The following MEGF6 variants were observed in gnomAD, a reference collection of about 807,000 sequenced individuals.
MEGF6 encodes multiple EGF like domains 6, also known as multiple epidermal growth factor-like domains protein 6.
In MEGF6, 184 loss-of-function variants were observed where a neutral mutation model predicts 207.1. The ratio of observed to expected loss-of-function variants is 0.89; its 90% CI spans 0.79 to 1.00. MEGF6 has a LOEUF of 1.00. MEGF6 is among the 50% of genes least tolerant of loss of function. MEGF6 has a pLI of 0.00. For missense variants in MEGF6, 2,282 were observed against 2,202.9 expected, an observed-to-expected ratio of 1.04 and a Z score of -0.72; for synonymous variants, 1,038 against 910.0, an observed-to-expected ratio of 1.14 and a Z score of -2.53.
intron 4 of MEGF6, among the ~76,000 whole-genome samples, chr1:3,574,965 A>G (rs1643602095): frequency 1.3e-5 from 2 of 152,220 alleles, no homozygotes; most frequent in Non-Finnish European, 2.9e-5. Context: ...TCTTGAACCA[A>G]GAAAGTACCT....
At chr1:3,535,184 C>T (rs905319960) in intron 4 of MEGF6, among the ~76,000 whole-genome samples, 4 of 152,142 alleles carry the variant, frequency 2.6e-5, no homozygotes, top group Admixed American at 2.0e-4. Context: ...TGTGTCACCG[C>T]GACGGTGCCC....
Position 3,594,057 on chromosome 1 carries a change from C to T in MEGF6, c.376+1281G>A, listed in dbSNP as rs768772614. On this transcript the variant is annotated intron_variant, in intron 3 of 36. Coordinates refer to ENST00000356575, the MANE Select transcript of MEGF6 (RefSeq NM_001409.4). This position sits in a 1 kb window ranked among gnomAD's most constrained non-coding sequence, Gnocchi z 4.2. ...GCCCCTGCGGCTCCAGGCAACTACC[C>T]GCCATAAGGACCCCTAGAGCTGGGT... Among the ~76,000 whole-genome samples the T allele has an allele frequency of 3.9e-5, 6 of 152,204 alleles. No homozygotes were observed. The highest frequency in any genetic ancestry group is 1.9e-4 in the East Asian group (1 of 5,188).
intron 3 of MEGF6, among the ~76,000 whole-genome samples, chr1:3,593,531 C>G (rs915064906): frequency 6.6e-6 from 1 of 151,018 alleles, no homozygotes; most frequent in Non-Finnish European, 1.5e-5. Context: ...ACAAAAAGCC[C>G]GCTCTCCCCC....
At chr1:3,577,735 C>A (rs1557789702) in intron 4 of MEGF6, among the ~76,000 whole-genome samples, 1 of 152,184 alleles carries the variant, frequency 6.6e-6, no homozygotes, top group Non-Finnish European at 1.5e-5. Flanking sequence ...CCTGAGTGCA[C>A]CCCACCCCCA....
rs200439973 is a variant in MEGF6 at position 3,501,887 on chromosome 1, C to T, written c.2223G>A (p.Ser741=). ...GGGCCCCCCCACAGGAGCAGGAGCT[C>T]GAGCAGTTCACGCCAAACGTCCCCA... ...CPVGTFGVNC[S]SSCSCGGAPC... Residue 741 remains serine, a synonymous_variant, in exon 18 of 37, where the codon TCG becomes TCA. Coordinates refer to ENST00000356575, the MANE Select transcript of MEGF6 (RefSeq NM_001409.4). 23 of 1,609,068 alleles carry T rather than the reference C, an allele frequency of 1.4e-5. No individual in the cohort carries two copies. Among genetic ancestry groups the T allele is most frequent in the African/African-American group, 5.4e-5 (4 of 74,560 alleles).
At chr1:3,589,644 G>T (rs1464611441) in intron 3 of MEGF6, among the ~76,000 whole-genome samples, 1 of 152,152 alleles carries the variant, frequency 6.6e-6, no homozygotes, top group Non-Finnish European at 1.5e-5. Flanking sequence ...GCAAGGACAG[G>T]AGCCCCAGGA....
At chr1:3,613,894 C>A (rs1166453369), upstream of MEGF6, among the ~76,000 whole-genome samples, 1 of 152,034 alleles carries the variant, frequency 6.6e-6, no homozygotes, top group Non-Finnish European at 1.5e-5. Flanking sequence ...TCTCCCCTGT[C>A]CCAGGCACTG....
At chr1:3,531,207 C>T (rs1429712210) in intron 4 of MEGF6, 1 of 1,500,182 alleles carries the variant, frequency 6.7e-7, no homozygotes, top group Admixed American at 2.3e-5. Flanking sequence ...GCCCAAGGCA[C>T]CAGAGCGCGG....
At chr1:3,586,605 G>C (rs1643897434) in intron 3 of MEGF6, among the ~76,000 whole-genome samples, 2 of 152,290 alleles carry the variant, frequency 1.3e-5, no homozygotes, top group South Asian at 4.1e-4. Flanking sequence ...TGGAGGAAAA[G>C]GGAGCCCAGA....
chr1:3,594,497 G>A lies in MEGF6; in HGVS notation c.376+841C>T, dbSNP rs34645738. On this transcript the variant is annotated intron_variant, in intron 3 of 36. Coordinates refer to ENST00000356575, the MANE Select transcript of MEGF6 (RefSeq NM_001409.4). This position sits in a 1 kb window ranked among gnomAD's most constrained non-coding sequence, Gnocchi z 4.2. The stretch of plus-strand genomic sequence containing the variant: ...TGCGTGACTCCCGGCCACACTCCAC[G>A]GCGCAGCCTGTCCCTCACTGGCAGG... 3.5e-4 allele frequency among the ~76,000 whole-genome samples: 53 copies of A among 152,188 alleles called. No individual in the cohort carries two copies. Among genetic ancestry groups the A allele is most frequent in the Non-Finnish European group, 6.5e-4 (44 of 68,032 alleles).
Position 3,510,914 on chromosome 1 carries a change from A to G in MEGF6, c.1115-12T>C. On this transcript the variant is annotated splice_polypyrimidine_tract_variant and intron_variant, in intron 9 of 36. Coordinates refer to ENST00000356575, the MANE Select transcript of MEGF6 (RefSeq NM_001409.4). ...ACAGTCGTCGACATCTGTGGAGCAC[A>G]CGCCACGGGCCCCCTGGTACCAGGC... is the stretch of plus-strand genomic sequence containing the variant. The G allele has an allele frequency of 6.3e-7, 1 of 1,594,018 alleles. No individual in the cohort carries two copies. The highest frequency in any genetic ancestry group is 8.6e-7 in the Non-Finnish European group (1 of 1,165,230).
Position 3,509,068 on chromosome 1 carries a change from C to G in MEGF6, c.1528+7G>C, listed in dbSNP as rs780029303. 1.8e-5 allele frequency: 28 copies of G among 1,573,608 alleles called. No homozygotes were observed. The highest frequency in any genetic ancestry group is 2.4e-5 in the Non-Finnish European group (28 of 1,161,388). Reference sequence around the variant, plus strand: ...CAGGAGCCCCCGGGGGCTGGGCCCGCGCTCACCAAACTTCTCTGTGAGCGT... The same window carrying G: ...CAGGAGCCCCCGGGGGCTGGGCCCGGGCTCACCAAACTTCTCTGTGAGCGT... On this transcript the variant is annotated splice_region_variant and intron_variant, in intron 12 of 36. Coordinates refer to ENST00000356575, the MANE Select transcript of MEGF6 (RefSeq NM_001409.4).
intron 36 of MEGF6, 78 bp downstream of exon 36, chr1:3,490,834 T>A (rs1640325777): frequency 6.6e-7 from 1 of 1,514,030 alleles, no homozygotes; most frequent in Non-Finnish European, 9.0e-7. Flanking sequence ...GGGCCCAGAT[T>A]ATACTTAAGC....
At chr1:3,537,077 G>A (rs993609243) in intron 4 of MEGF6, among the ~76,000 whole-genome samples, 12 of 152,264 alleles carry the variant, frequency 7.9e-5, no homozygotes, top group African/African-American at 2.9e-4. Flanking sequence ...AAGCTGGGCT[G>A]GGTGTGGGAG....
At chr1:3,510,760 T>G (rs202238037) in intron 10 of MEGF6, 23 bp downstream of exon 10, 5 of 1,587,182 alleles carry the variant, frequency 3.2e-6, no homozygotes, top group Non-Finnish European at 4.3e-6. Context: ...ACCCCAGCTG[T>G]GCAGTGGCAG....
chr1:3,520,365 G>A (rs972436827), intron 5 of MEGF6, among the ~76,000 whole-genome samples: 4 of 152,220 alleles, frequency 2.6e-5, no homozygotes, highest in Admixed American at 6.5e-5. Context: ...AGTGTTGCAC[G>A]CTGGCACTCT....
rs374482969 is a variant in MEGF6, at chr1:3,501,871, C to G, written c.2239G>C (p.Gly747Arg). 5 of 1,608,874 alleles carry G rather than the reference C, an allele frequency of 3.1e-6. No homozygotes were observed. The highest frequency in any genetic ancestry group is 2.2e-5 in the East Asian group (1 of 44,802). The change falls in exon 18 of 37, where the codon GGG becomes CGG. Residue 747 changes from glycine (G) to arginine (R), a missense_variant. By Grantham distance (125) the Gly-to-Arg change is moderately radical. Transcript: ENST00000356575. The stretch of plus-strand genomic sequence containing the variant: ...GTGACCCCGTGGCAGGGGGCCCCCC[C>G]ACAGGAGCAGGAGCTCGAGCAGTTC... ...GVNCSSSCSC[G>R]GAPCHGVTGQ...
chr1:3,505,094 A>T (rs2821009), intron 17 of MEGF6, 114 bp downstream of exon 17: 519,592 of 1,441,824 alleles, frequency 0.36, 100,542 homozygotes, highest in African/African-American at 0.65. Context: ...GGGCTTAGGC[A>T]AAGGGGGCCG....
At chr1:3,620,085 A>G in the MEGF6 span, among the ~76,000 whole-genome samples, 1 of 152,230 alleles carries the variant, frequency 6.6e-6, no homozygotes, top group Non-Finnish European at 1.5e-5. Context: ...GATCCGTGGA[A>G]CTTTGAATTT....
Sources: allele counts gnomAD v4.1 joint callset (sites outside exome capture counted in the v4.1 genomes callset), GRCh38; gene constraint gnomAD v4.1.1; non-coding constraint Gnocchi (gnomAD v3.1); transcripts MANE v1.5; gene names NCBI Gene and HGNC (gene_info 2026-07-23, HGNC 2026-07-21).